Variants in STAT4 observed in about 807,000 individuals in gnomAD.
STAT4 encodes the protein signal transducer and activator of transcription 4.
A neutral mutation model predicts 110.5 loss-of-function variants in STAT4; 42 were observed. The observed-to-expected ratio is 0.38, with a 90% CI of 0.30 to 0.49. The LOEUF (loss-of-function observed/expected upper bound fraction) is 0.49. Ranked by LOEUF, STAT4 falls within the 20% of genes least tolerant of loss-of-function variation. STAT4 has a pLI of 0.95. For missense variants in STAT4, 632 were observed against 887.9 expected, an observed-to-expected ratio of 0.71 and a Z score of 3.66; for synonymous variants, 284 against 302.2, an observed-to-expected ratio of 0.94 and a Z score of 0.63.
intron 2 of STAT4, 53 bp downstream of exon 2, chr2:191,148,023 A>G (rs1201828470): frequency 8.1e-6 from 13 of 1,608,626 alleles, no homozygotes; most frequent in African/African-American, 1.3e-5. Context: ...TCACATGGAT[A>G]GAGCATCAGA....
intron 16 of STAT4, 39 bp from the exon 17 acceptor site, chr2:191,036,338 A>G (rs373008455): frequency 2.5e-6 from 4 of 1,607,410 alleles, no homozygotes; most frequent in Non-Finnish European, 2.6e-6. Context: ...TAATTATCTT[A>G]CAGTGGGTAG....
Position 191,031,177 on chromosome 2 carries a change from C to T in STAT4, c.2112-97G>A, listed in dbSNP as rs1170053393. On this transcript the variant is annotated intron_variant, in intron 22 of 23. Transcript: ENST00000392320. This position sits in a 1 kb window ranked among gnomAD's most constrained non-coding sequence, Gnocchi z 4.8. ...CAGGAACTCATTTCTAGGGCTTCAT[C>T]TATTTGTGACATTGAGTTATCTAAT... 6 of 1,236,906 alleles carry T rather than the reference C, an allele frequency of 4.9e-6. No homozygotes were observed. The highest frequency in any genetic ancestry group is 7.0e-6 in the Non-Finnish European group (6 of 854,986). 76.6% of individuals were successfully genotyped at this position (1,236,906 alleles called of 1,614,324 possible).
chr2:191,126,030 G>C (rs141438967), intron 3 of STAT4, among the ~76,000 whole-genome samples: 3 of 152,298 alleles, frequency 2.0e-5, no homozygotes, highest in South Asian at 2.1e-4. Flanking sequence ...TAAATTTAGA[G>C]ATCTACTAAG....
chr2:191,031,631 A>G lies in STAT4; in HGVS notation c.2045-115T>C. 1.3e-6 allele frequency: 1 copy of G among 796,442 alleles called. No homozygotes were observed. Among genetic ancestry groups the G allele is most frequent in the South Asian group, 1.8e-5 (1 of 56,662 alleles). The allele number at this position is 796,442 out of a possible 1,614,324, so 49.3% of individuals were successfully genotyped here. On this transcript the variant is annotated intron_variant, in intron 21 of 23. Coordinates refer to ENST00000392320, the MANE Select transcript of STAT4 (RefSeq NM_003151.4). This position sits in a 1 kb window ranked among gnomAD's most constrained non-coding sequence, Gnocchi z 4.8. ...ATGATAAGAGGAAGAGAGATAACGC[A>G]GTTGTTCGGTGATACACAGAAATGT...
At chr2:191,074,522 T>C (rs1426280311) in intron 4 of STAT4, among the ~76,000 whole-genome samples, 2 of 152,198 alleles carry the variant, frequency 1.3e-5, no homozygotes, top group East Asian at 1.9e-4. Context: ...TTGATGAGCA[T>C]ATACTCAAAC....
intron 3 of STAT4, among the ~76,000 whole-genome samples, chr2:191,123,664 G>A (rs1040884995): frequency 6.6e-6 from 1 of 152,152 alleles, no homozygotes; most frequent in African/African-American, 2.4e-5. Context: ...GGGCAAAATC[G>A]TCTAACACAA....
chr2:191,033,121 G>T lies in STAT4; in HGVS notation c.1881C>A (p.Pro627=). Residue 627 remains proline, a synonymous_variant, in exon 21 of 24, where the codon CCC becomes CCA. Coordinates refer to ENST00000392320, the MANE Select transcript of STAT4 (RefSeq NM_003151.4). This position sits in a 1 kb window ranked among gnomAD's most constrained non-coding sequence, Gnocchi z 6.9. ...GAGCAGACAACCGGCCTTTATTGTA[G>T]GGTTCTACAGAGTGGAATCTCACTT... ...SGEVRFHSVE[P]YNKGRLSALP... 6.2e-7 allele frequency: 1 copy of T among 1,613,710 alleles called. No homozygotes were observed. Among genetic ancestry groups the T allele is most frequent in the Non-Finnish European group, 8.5e-7 (1 of 1,179,888 alleles).
chr2:191,031,604 C>A lies in STAT4; in HGVS notation c.2045-88G>T. ...AAAAAAGAGTCTAGAAAAATATTAA[C>A]AATGATAAGAGGAAGAGAGATAACG... On this transcript the variant is annotated intron_variant, in intron 21 of 23. Coordinates refer to ENST00000392320, the MANE Select transcript of STAT4 (RefSeq NM_003151.4). This position sits in a 1 kb window ranked among gnomAD's most constrained non-coding sequence, Gnocchi z 4.8. 9.4e-7 allele frequency: 1 copy of A among 1,066,616 alleles called. No homozygotes were observed. Among genetic ancestry groups the A allele is most frequent in the Non-Finnish European group, 1.4e-6 (1 of 713,882 alleles). The allele number at this position is 1,066,616 out of a possible 1,614,324, so 66.1% of individuals were successfully genotyped here.
At chr2:191,095,723 CA>C (rs1049818151) in intron 3 of STAT4, among the ~76,000 whole-genome samples, 3 of 152,056 alleles carry the variant, frequency 2.0e-5, no homozygotes, top group African/African-American at 7.2e-5. Flanking sequence ...CAAGAGCAAA[CA>C]AATTCAAAAG....
In STAT4 at chr2:191,090,969, G is replaced by A. The variant is rs1205355843; in HGVS notation, c.274-14644C>T. ...TTCCTGCAGAATGATCTATGTCTAC[G>A]AAGACTTAACCCTTCTAGACAATCA... On this transcript the variant is annotated intron_variant, in intron 3 of 23. Coordinates refer to ENST00000392320, the MANE Select transcript of STAT4 (RefSeq NM_003151.4). This position sits in a 1 kb window ranked among gnomAD's most constrained non-coding sequence, Gnocchi z 4.2. Among the ~76,000 whole-genome samples the A allele has an allele frequency of 1.3e-5, 2 of 152,094 alleles. No homozygotes were observed. Among genetic ancestry groups the A allele is most frequent in the African/African-American group, 4.8e-5 (2 of 41,402 alleles).
At chr2:191,070,973 C>T (rs1697129993) in intron 5 of STAT4, among the ~76,000 whole-genome samples, 1 of 152,142 alleles carries the variant, frequency 6.6e-6, no homozygotes, top group East Asian at 1.9e-4. Flanking sequence ...TAAGTAGTAG[C>T]TATTATTACT....
At position 191,146,574 on chromosome 2, in the gene STAT4, T is replaced by C. The variant is rs755951767; in HGVS notation, c.273+39A>G. The C allele has an allele frequency of 1.6e-5, 23 of 1,419,026 alleles. No homozygotes were observed. The highest frequency in any genetic ancestry group is 2.1e-5 in the Non-Finnish European group (23 of 1,076,606). 87.9% of individuals were successfully genotyped at this position (1,419,026 alleles called of 1,614,324 possible). On this transcript the variant is annotated intron_variant, in intron 3 of 23. Transcript: ENST00000392320. This position sits in a 1 kb window ranked among gnomAD's most constrained non-coding sequence, Gnocchi z 4.5. ...AATTTTTAACTAAATTTAAGACTCA[T>C]ATATCCAAATATTTTGGAAAAGTAG...
Position 191,058,827 on chromosome 2 carries a change from C to T in STAT4, c.1035-58G>A. 2 of 994,956 alleles carry T rather than the reference C, an allele frequency of 2.0e-6. No homozygotes were observed. The highest frequency in any genetic ancestry group is 3.0e-6 in the Non-Finnish European group (2 of 661,180). The allele number at this position is 994,956 out of a possible 1,614,324, so 61.6% of individuals were successfully genotyped here. A position where few individuals can be genotyped will look rare whatever the true frequency, so the allele number is the denominator to read the frequency against. On this transcript the variant is annotated intron_variant, in intron 10 of 23. Transcript: ENST00000392320. This position sits in a 1 kb window ranked among gnomAD's most constrained non-coding sequence, Gnocchi z 4.3. ...ATAAAAATTAAAAGTGTTTAAAAAC[C>T]CTTTTTTATATTTAAACATTTAAAT...
rs550721201 is a variant in STAT4, at chr2:191,030,006, G to A, written c.2221-140C>T. ...TACCTAGTTAAAATACTTAAACTAA[G>A]TATTTGCAAAAGTAATTGGGGTTGA... On this transcript the variant is annotated intron_variant, in intron 23 of 23. Transcript: ENST00000392320. This position sits in a 1 kb window ranked among gnomAD's most constrained non-coding sequence, Gnocchi z 4.4. The A allele has an allele frequency of 1.2e-5, 8 of 688,868 alleles. No individual in the cohort carries two copies. The Admixed American group carries it at 1.3e-4, about 11-fold the overall frequency. The allele number at this position is 688,868 out of a possible 1,614,324, so 42.7% of individuals were successfully genotyped here.
Position 191,148,085 on chromosome 2 carries a change from T to C in STAT4, c.119A>G (p.Asn40Ser). The change falls in exon 2 of 24, where the codon AAT (asparagine) becomes AGT (serine). Residue 40 changes from asparagine to serine, a missense_variant. This residue lies in a region of STAT4 where 488 missense variants were observed against 632.8 expected (regional missense o/e 0.77). Coordinates refer to ENST00000392320, the MANE Select transcript of STAT4 (RefSeq NM_003151.4). ...ATATGTTTGATCCTACCAGTCTTGA[T>C]TTTCAATCCATTGGGCCAACAGATG... Reference protein sequence around the residue: ...IRHLLAQWIENQDWEAASNNE... With the variant: ...IRHLLAQWIESQDWEAASNNE... 6.2e-7 allele frequency: 1 copy of C among 1,613,818 alleles called. No homozygotes were observed. The highest frequency in any genetic ancestry group is 8.5e-7 in the Non-Finnish European group (1 of 1,179,780).
chr2:191,094,081 G>A (rs1166618133), intron 3 of STAT4, among the ~76,000 whole-genome samples: 1 of 152,106 alleles, frequency 6.6e-6, no homozygotes, highest in East Asian at 1.9e-4. Context: ...AAGAAATATG[G>A]GACTATGTGA....
chr2:191,078,667 G>A (rs902628262), intron 3 of STAT4, among the ~76,000 whole-genome samples: 13 of 152,116 alleles, frequency 8.5e-5, no homozygotes, highest in Non-Finnish European at 1.3e-4. Context: ...TTAAGTGTGT[G>A]TTAGTGGGAG....
rs776294338 is a variant in STAT4, at chr2:191,135,623, C to T, written c.273+10990G>A. On this transcript the variant is annotated intron_variant, in intron 3 of 23. Coordinates refer to ENST00000392320, the MANE Select transcript of STAT4 (RefSeq NM_003151.4). The surrounding 1 kb of genome is among the most constrained non-coding windows in gnomAD (Gnocchi z 4.8). ...CTGGGACTACAGGTGATCACCACCA[C>T]GCCCAGCTAATTTTTTGTATTTTTA... is the stretch of plus-strand genomic sequence containing the variant. Among the ~76,000 whole-genome samples the T allele has an allele frequency of 8.5e-5, 13 of 152,140 alleles. No individual in the cohort carries two copies. Among genetic ancestry groups the T allele is most frequent in the African/African-American group, 2.2e-4 (9 of 41,442 alleles).
intron 3 of STAT4, among the ~76,000 whole-genome samples, chr2:191,132,960 T>C (rs1166397928): frequency 8.6e-5 from 13 of 151,346 alleles, no homozygotes. Context: ...TTCACCGTGT[T>C]AGCCAGGATG....
Sources: gnomAD v4.1 joint callset for allele counts (sites outside exome capture counted in the v4.1 genomes callset) on GRCh38, gnomAD v4.1.1 for gene constraint, gnomAD v4.1.1 regional missense constraint, Gnocchi (gnomAD v3.1) non-coding constraint, MANE v1.5 for transcripts, NCBI Gene and HGNC (gene_info 2026-07-23, HGNC 2026-07-21) for gene names.